Variants in ZNF333 observed in about 807,000 individuals in gnomAD.
ZNF333 encodes the protein zinc finger protein 333.
A neutral mutation model predicts 76.1 loss-of-function variants in ZNF333; 61 were observed. The ratio of observed to expected loss-of-function variants is 0.80; its 90% confidence interval spans 0.65 to 0.99. The LOEUF (loss-of-function observed/expected upper bound fraction) is 0.99. Ranked by LOEUF, ZNF333 falls within the 50% of genes least tolerant of loss-of-function variation. The pLI, the probability that ZNF333 is intolerant of heterozygous loss-of-function variation, is 0.00. For missense variants in ZNF333, 717 were observed against 822.4 expected (o/e 0.87, Z 1.57); for synonymous variants, 284 against 305.0 (o/e 0.93, Z 0.72).
downstream of ZNF333, among the ~76,000 whole-genome samples, chr19:14,724,219 C>A (rs2042619935): frequency 6.6e-6 from 1 of 152,144 alleles, no homozygotes; most frequent in African/African-American, 2.4e-5. Context: ...AGAAATGGTT[C>A]AAAAAGATCA....
At chr19:14,724,162 G>A (rs887228336), downstream of ZNF333, among the ~76,000 whole-genome samples, 2 of 152,170 alleles carry the variant, frequency 1.3e-5, no homozygotes, top group African/African-American at 4.8e-5. Context: ...ATCTTAATGA[G>A]CTGACCCAGA....
At chr19:14,695,527 C>CCT in intron 3 of ZNF333, 39 bp from the exon 4 acceptor site, 12 of 1,559,108 alleles carry the variant, frequency 7.7e-6, no homozygotes, top group African/African-American at 1.4e-5. Context: ...CCCTGCAAGC[C>CCT]CTCTCTCTCT....
chr19:14,723,678 G>GT (rs1163729020), downstream of ZNF333, among the ~76,000 whole-genome samples: 2 of 152,108 alleles, frequency 1.3e-5, no homozygotes, highest in Non-Finnish European at 2.9e-5. Context: ...AAATGCAACT[G>GT]TTTTTTTGTG....
chr19:14,707,549 C>CTTTTTTTTTT (rs751633025), intron 7 of ZNF333, among the ~76,000 whole-genome samples: 3 of 115,674 alleles, frequency 2.6e-5, no homozygotes, highest in South Asian at 2.8e-4. Flanking sequence ...AGCTTTGTTT[C>CTTTTTTTTTT]TTTTTTTTTT....
rs2042587422 is a variant in ZNF333 at position 14,721,580 on chromosome 19, C to T, written c.*2255C>T. Reference sequence around the variant, plus strand: ...TTAATATAGTGTCATTGAGATTTATCTATGTTGTATTATCAGTAGTTTATG... The same window carrying T: ...TTAATATAGTGTCATTGAGATTTATTTATGTTGTATTATCAGTAGTTTATG... On this transcript the variant is annotated 3_prime_UTR_variant, in exon 12 of 12. Transcript: ENST00000292530. 1 of 152,076 alleles carries T rather than the reference C, an allele frequency of 6.6e-6. No individual in the cohort carries two copies. Among genetic ancestry groups the T allele is most frequent in the Admixed American group, 6.5e-5 (1 of 15,268 alleles). 9.4% of individuals were successfully genotyped at this position (152,076 alleles called of 1,614,324 possible).
intron 11 of ZNF333, among the ~76,000 whole-genome samples, chr19:14,728,854 G>C (rs1434818320): frequency 6.6e-6 from 1 of 152,216 alleles, no homozygotes; most frequent in African/African-American, 2.4e-5. Flanking sequence ...GAGAACAAAG[G>C]AGGCCAGGGG....
intron 1 of ZNF333, among the ~76,000 whole-genome samples, 175 bp downstream of exon 1, chr19:14,690,325 C>T (rs1033855285): frequency 1.3e-5 from 2 of 152,188 alleles, no homozygotes; most frequent in Non-Finnish European, 2.9e-5. Flanking sequence ...GCCCGCCGCC[C>T]GGTCTCTCGC....
rs190448616 is a variant in ZNF333 at position 14,706,484 on chromosome 19, C to T, written c.424-202C>T. On this transcript the variant is annotated intron_variant, in intron 6 of 11. Transcript: ENST00000292530. The stretch of plus-strand genomic sequence containing the variant: ...CCCAGCCCCTGCCTGGGTGCCCTCT[C>T]TCCAGGCCATTTTGGATCACAGTGA... The T allele has an allele frequency of 5.7e-4, 333 of 581,702 alleles. No individual in the cohort carries two copies. In the Middle Eastern group the frequency reaches 6.1e-3, roughly 11 times the overall value. 36.0% of individuals were successfully genotyped at this position (581,702 alleles called of 1,614,324 possible).
intron 5 of ZNF333, among the ~76,000 whole-genome samples, chr19:14,702,344 A>T (rs116447040): frequency 1.6e-4 from 25 of 152,272 alleles, no homozygotes; most frequent in African/African-American, 6.0e-4. Flanking sequence ...GCAAGAACCC[A>T]TCTCTGCAAA....
At chr19:14,707,637 C>T (rs1211729821) in intron 7 of ZNF333, among the ~76,000 whole-genome samples, 19 of 149,674 alleles carry the variant, frequency 1.3e-4, no homozygotes, top group Admixed American at 4.0e-4. Context: ...CTGCAAGCTC[C>T]GCCTCTTGGG....
chr19:14,731,228 G>C (rs1465100060), exon 12 of ZNF333: 1 of 1,526,518 alleles, frequency 6.6e-7, no homozygotes, highest in African/African-American at 1.4e-5. Flanking sequence ...TGCATGTTCA[G>C]ATCGCTAGAA....
At chr19:14,695,985 C>T (rs1051999568) in intron 4 of ZNF333, among the ~76,000 whole-genome samples, 3 of 152,118 alleles carry the variant, frequency 2.0e-5, no homozygotes, top group Non-Finnish European at 2.9e-5. Context: ...TCGAGACCAG[C>T]CTGGCCAACA....
chr19:14,717,520 A>G, intron 10 of ZNF333, 137 bp from the exon 11 acceptor site: 1 of 686,058 alleles, frequency 1.5e-6, no homozygotes, highest in South Asian at 1.8e-5. Flanking sequence ...ATTCCTTCTC[A>G]TTGCAATTTC....
rs1451397998 is a variant in ZNF333 at position 14,718,511 on chromosome 19, A to G, written c.1184A>G (p.Asp395Gly). The change falls in exon 12 of 12, where the codon GAC (aspartate) becomes GGC (glycine). Residue 395 changes from aspartate to glycine, a missense_variant. Physicochemically the swap from Asp to Gly is moderately conservative, Grantham distance 94 (BLOSUM62 -1). Coordinates refer to ENST00000292530, the MANE Select transcript of ZNF333 (RefSeq NM_032433.4). ...ACTCATACTGCAGAGAAGTGCTTTG[A>G]CTGTCAAGAATGTGGGCAAGCCTTC... ...EKTHTAEKCF[D>G]CQECGQAFKY... The G allele has an allele frequency of 6.2e-7, 1 of 1,614,120 alleles. No homozygotes were observed. Among genetic ancestry groups the G allele is most frequent in the East Asian group, 2.2e-5 (1 of 44,904 alleles).
chr19:14,706,316 C>G, intron 6 of ZNF333: 1 of 382,898 alleles, frequency 2.6e-6, no homozygotes, highest in South Asian at 2.0e-5. Context: ...CAGAAAAACT[C>G]ACTGACTGCC....
At chr19:14,717,453 A>G (rs1599750987) in intron 10 of ZNF333, 1 of 575,598 alleles carries the variant, frequency 1.7e-6, no homozygotes, top group East Asian at 2.9e-5. Context: ...TGTTCCTCTG[A>G]TTACATAACT....
At position 14,698,919 on chromosome 19, in the gene ZNF333, T is replaced by G. The variant is rs993761729; in HGVS notation, c.224-280T>G. On this transcript the variant is annotated intron_variant, in intron 4 of 11. Transcript: ENST00000292530. The stretch of plus-strand genomic sequence containing the variant: ...ATATAGATATATATATATATATATA[T>G]ATATATATATATATATACACACATA... 1.3e-3 allele frequency among the ~76,000 whole-genome samples: 166 copies of G among 123,628 alleles called. 2 individuals carry two copies. Among genetic ancestry groups the G allele is most frequent in the African/African-American group, 4.0e-3 (140 of 34,776 alleles). The allele number at this position is 123,628 out of a possible 152,430, so 81.1% of individuals were successfully genotyped here.
rs911971257 is a variant in ZNF333, at chr19:14,702,463, T to C, written c.307-2591T>C. ...TGAGCCCAGGAATTCAAGGCTGCAG[T>C]GAGCCATGTGTTTGCACCACTGCTC... is the stretch of plus-strand genomic sequence containing the variant. On this transcript the variant is annotated intron_variant, in intron 5 of 11. Transcript: ENST00000292530. Among the ~76,000 whole-genome samples, 4 of 152,170 alleles carry C rather than the reference T, an allele frequency of 2.6e-5. No individual in the cohort carries two copies. In the South Asian group the frequency reaches 8.3e-4, roughly 32 times the overall value.
intron 5 of ZNF333, among the ~76,000 whole-genome samples, chr19:14,703,722 T>G (rs544594729): frequency 1.3e-5 from 2 of 152,180 alleles, no homozygotes; most frequent in African/African-American, 4.8e-5. Context: ...TTTGAATAAT[T>G]TTAGTGGACC....
Sources: allele counts gnomAD v4.1 joint callset (sites outside exome capture counted in the v4.1 genomes callset), GRCh38; gene constraint gnomAD v4.1.1; transcripts MANE v1.5; gene names NCBI Gene and HGNC (gene_info 2026-07-23, HGNC 2026-07-21).